Variants in SMARCA1 observed in about 807,000 individuals in gnomAD.
SMARCA1 encodes the protein SWI/SNF-related matrix-associated actin-dependent regulator of chromatin subfamily A member 1.
A neutral mutation model predicts 93.6 loss-of-function variants in SMARCA1; 17 were observed. That is an observed-to-expected ratio of 0.18 (90% CI 0.12 to 0.27). The LOEUF is 0.27. SMARCA1 is among the 10% of genes least tolerant of loss of function. The probability of loss-of-function intolerance (pLI) is 1.00; values close to 1 mark genes in which losing one functional copy is unlikely to be tolerated. For synonymous variants in SMARCA1, 271 were observed against 271.4 expected (o/e 1.00, Z 0.01); for missense variants, 630 against 819.0 (o/e 0.77, Z 2.82).
intron 2 of SMARCA1, 37 bp downstream of exon 2, chrX:129,518,324 T>G (rs750604070): frequency 3.7e-5 from 30 of 801,148 alleles, no homozygotes; most frequent in Non-Finnish European, 4.7e-5. Context: ...TAAAAATTAA[T>G]TACAGCATTC....
At chrX:129,519,849 T>C (rs1346219324) in intron 1 of SMARCA1, among the ~76,000 whole-genome samples, 1 of 111,979 alleles carries the variant, frequency 8.9e-6, no homozygotes, top group African/African-American at 3.2e-5. Context: ...AAAGGTTATA[T>C]GAAGTGCAGT....
intron 2 of SMARCA1, among the ~76,000 whole-genome samples, chrX:129,518,072 C>G (rs1223279215): frequency 9.0e-6 from 1 of 111,158 alleles, no homozygotes; most frequent in Non-Finnish European, 1.9e-5. Flanking sequence ...ATATTTCTAG[C>G]TTAAAGCACT....
chrX:129,454,655 T>C (rs756718775), intron 23 of SMARCA1, among the ~76,000 whole-genome samples: 69 of 111,509 alleles, frequency 6.2e-4, no homozygotes, highest in Non-Finnish European at 1.2e-3. Flanking sequence ...CTTTTTATTA[T>C]TATTATTATA....
At chrX:129,453,099 C>T (rs1855463692) in intron 23 of SMARCA1, among the ~76,000 whole-genome samples, 1 of 111,435 alleles carries the variant, frequency 9.0e-6, no homozygotes, top group Non-Finnish European at 1.9e-5. Flanking sequence ...AGCCATTCCC[C>T]CAACTCTCTC....
At chrX:129,509,883 A>G (rs1489054628) in intron 6 of SMARCA1, among the ~76,000 whole-genome samples, 1 of 112,121 alleles carries the variant, frequency 8.9e-6, no homozygotes, top group Non-Finnish European at 1.9e-5. Flanking sequence ...ATAATCTCCC[A>G]ACTCAATTAA....
chrX:129,454,801 A>C (rs1799086353), intron 23 of SMARCA1, among the ~76,000 whole-genome samples: 1 of 111,576 alleles, frequency 9.0e-6, no homozygotes, highest in African/African-American at 3.3e-5. Flanking sequence ...CCCCCCATGA[A>C]CAGACACTTT....
intron 19 of SMARCA1, among the ~76,000 whole-genome samples, chrX:129,472,691 T>C (rs1030685779): frequency 8.9e-6 from 1 of 111,877 alleles, no homozygotes; most frequent in Non-Finnish European, 1.9e-5. Context: ...TTTTATCCCT[T>C]ATCCCAAATG....
intron 9 of SMARCA1, among the ~76,000 whole-genome samples, chrX:129,502,119 A>G (rs1176668369): frequency 9.0e-6 from 1 of 111,494 alleles, no homozygotes; most frequent in Non-Finnish European, 1.9e-5. Context: ...AGATATCCTT[A>G]AGAGTTTAAA....
intron 5 of SMARCA1, among the ~76,000 whole-genome samples, chrX:129,513,560 GTATATATTATATATATTTATATAT>G (rs973468051): frequency 3.8e-5 from 4 of 104,475 alleles, no homozygotes; most frequent in Admixed American, 1.1e-4. Flanking sequence ...AAAAAAGTAA[GTATATATTATATATATTTATATAT>G]TATATATTAT....
chrX:129,450,260 C>T (rs1290240342), intron 23 of SMARCA1, among the ~76,000 whole-genome samples: 1 of 111,970 alleles, frequency 8.9e-6, no homozygotes. Flanking sequence ...TCTCTGCACG[C>T]ACTCCAACAA....
At chrX:129,487,184 G>A in intron 16 of SMARCA1, 47 bp from the exon 17 acceptor site, 1 of 956,379 alleles carries the variant, frequency 1.0e-6, no homozygotes, top group Non-Finnish European at 1.4e-6. Flanking sequence ...TGAATTACTT[G>A]TAAAAGTCTG....
chrX:129,470,756 C>G (rs1004054635), intron 20 of SMARCA1, among the ~76,000 whole-genome samples: 1 of 110,966 alleles, frequency 9.0e-6, no homozygotes, highest in African/African-American at 3.3e-5. Flanking sequence ...GTAATCCCAG[C>G]TACTCGGGAG....
In SMARCA1 at chrX:129,502,613, A is replaced by G. The variant is rs1040806190; in HGVS notation, c.1167+2121T>C. ...AAGAGTAAACAGGAGACTAGGGAGT[A>G]GATATGGAGAGGATAAACTACTCTT... On this transcript the variant is annotated intron_variant, in intron 9 of 24. Coordinates refer to ENST00000371121, the MANE Select transcript of SMARCA1 (RefSeq NM_001282874.2). 8.0e-5 allele frequency among the ~76,000 whole-genome samples: 9 copies of G among 111,933 alleles called. No individual in the cohort carries two copies. In the Admixed American group the frequency reaches 8.6e-4, roughly 11 times the overall value.
chrX:129,488,038 G>A (rs1021844620), intron 16 of SMARCA1, among the ~76,000 whole-genome samples: 8 of 110,874 alleles, frequency 7.2e-5, no homozygotes, highest in African/African-American at 2.3e-4. Context: ...AGACAGAACA[G>A]GACTGGTTGA....
chrX:129,452,914 T>C (rs1022747813), intron 23 of SMARCA1, among the ~76,000 whole-genome samples: 1 of 112,276 alleles, frequency 8.9e-6, no homozygotes, highest in Non-Finnish European at 1.9e-5. Context: ...TGTCACATGT[T>C]GGTAATTCTC....
chrX:129,508,434 G>A (rs1320775930), intron 6 of SMARCA1, among the ~76,000 whole-genome samples: 1 of 112,367 alleles, frequency 8.9e-6, no homozygotes, highest in Non-Finnish European at 1.9e-5. Context: ...AAAGAACATA[G>A]ACAAAGTAAC....
chrX:129,463,862 G>A (rs7880323), intron 23 of SMARCA1, among the ~76,000 whole-genome samples: 2,191 of 111,240 alleles, frequency 0.02, 50 homozygotes, highest in African/African-American at 0.067. Context: ...GCTTGAACCC[G>A]GGAGGTGGAG....
intron 5 of SMARCA1, among the ~76,000 whole-genome samples, chrX:129,515,200 G>C (rs1050875044): frequency 2.7e-5 from 3 of 111,046 alleles, no homozygotes; most frequent in Non-Finnish European, 5.7e-5. Flanking sequence ...TTTATGGCCT[G>C]TGAAAGTCTG....
At chrX:129,480,246 T>C (rs6654590) in intron 19 of SMARCA1, among the ~76,000 whole-genome samples, 2,068 of 112,408 alleles carry the variant, frequency 0.018, 53 homozygotes, top group African/African-American at 0.062. Flanking sequence ...TTTATCATTA[T>C]CTTTAACACC....
Sources: gnomAD v4.1 joint callset for allele counts (sites outside exome capture counted in the v4.1 genomes callset) on GRCh38, gnomAD v4.1.1 for gene constraint, MANE v1.5 for transcripts, NCBI Gene and HGNC (gene_info 2026-07-23, HGNC 2026-07-21) for gene names.